The following ADAMTSL1 variants were observed in gnomAD, a reference collection of about 807,000 sequenced individuals.
The protein encoded by ADAMTSL1 is ADAMTS like 1.
ADAMTSL1 carries 126 observed loss-of-function variants against 201.8 expected under a neutral mutation model. That is an observed-to-expected ratio of 0.62 (90% CI 0.54 to 0.72). ADAMTSL1 has a LOEUF of 0.72. Among genes scored for constraint, ADAMTSL1 ranks in the 30% least tolerant of loss-of-function variants. The pLI is 0.00. For synonymous variants in ADAMTSL1, 1,121 were observed against 903.4 expected (o/e 1.24, Z -4.32); for missense variants, 2,679 against 2,277.8 (o/e 1.18, Z -3.59).
chr9:18,770,625 T>C lies in ADAMTSL1; in HGVS notation c.2241T>C (p.Gly747=), dbSNP rs763699386. The change falls in exon 17 of 29, where the codon GGT becomes GGC. Residue 747 remains glycine, a synonymous_variant. Transcript: ENST00000380548. ...AGTGTTCCAGAACGTGTGGCGGGGG[T>C]GTTCAGAAACGTGAGGTTCTTTGCA... ...WQPCSRTCGG[G]VQKREVLCKQ... 6.3e-7 allele frequency: 1 copy of C among 1,599,522 alleles called. No individual in the cohort carries two copies. The highest frequency in any genetic ancestry group is 1.3e-5 in the African/African-American group (1 of 74,664).
At chr9:18,354,120 T>C (rs918401605) in intron 2 of ADAMTSL1, among the ~76,000 whole-genome samples, 1 of 150,378 alleles carries the variant, frequency 6.6e-6, no homozygotes, top group Non-Finnish European at 1.5e-5. Flanking sequence ...ATGTTCAACA[T>C]ACTTTCCTTA....
chr9:18,684,839 T>G (rs41268981), intron 13 of ADAMTSL1, 39 bp downstream of exon 13: 113,507 of 1,089,940 alleles, frequency 0.1, 4,460 homozygotes, highest in Middle Eastern at 0.15. Context: ...TATTTGAAAC[T>G]GTTTTGTTTA....
At chr9:18,384,213 G>A (rs1837685618) in intron 2 of ADAMTSL1, among the ~76,000 whole-genome samples, 1 of 152,106 alleles carries the variant, frequency 6.6e-6, no homozygotes, top group African/African-American at 2.4e-5. Context: ...ATGTTGGAGG[G>A]CAAAGGGGAA....
At chr9:18,255,325 C>T (rs143440657) in intron 2 of ADAMTSL1, among the ~76,000 whole-genome samples, 75 of 151,724 alleles carry the variant, frequency 4.9e-4, no homozygotes, top group African/African-American at 1.7e-3. Context: ...TTGCTAGCAT[C>T]TTTAAATCAT....
chr9:18,770,440 C>G lies in ADAMTSL1; in HGVS notation c.2218-162C>G, dbSNP rs3802339. On this transcript the variant is annotated intron_variant, in intron 16 of 28. Transcript: ENST00000380548. ...GTAGATCTTGCTACAAAATTCATCT[C>G]AAAGAGAAGAAACAAAATCCTTTGG... Among the ~76,000 whole-genome samples, 38 of 151,598 alleles carry G rather than the reference C, an allele frequency of 2.5e-4. No individual in the cohort carries two copies. The East Asian group carries it at 7.4e-3, about 30-fold the overall frequency.
chr9:18,424,423 A>C (rs577972045), intron 2 of ADAMTSL1, among the ~76,000 whole-genome samples: 1 of 152,364 alleles, frequency 6.6e-6, no homozygotes, highest in Non-Finnish European at 1.5e-5. Flanking sequence ...TCAGTGGGGC[A>C]ACAGTGAACA....
At chr9:17,917,386 A>C (rs79390098) in intron 1 of ADAMTSL1, among the ~76,000 whole-genome samples, 1,862 of 152,102 alleles carry the variant, frequency 0.012, 41 homozygotes, top group African/African-American at 0.043. Flanking sequence ...ATGTCTGAGG[A>C]AATTGCTTTT....
chr9:18,715,107 T>C (rs951562492), intron 14 of ADAMTSL1, among the ~76,000 whole-genome samples: 3 of 130,800 alleles, frequency 2.3e-5, no homozygotes, highest in African/African-American at 8.2e-5. Flanking sequence ...AAGAGCTATC[T>C]ATGACAAACC....
Position 18,574,156 on chromosome 9 carries a change from A to T in ADAMTSL1, c.364A>T (p.Lys122Ter). 1 of 1,614,160 alleles carries T rather than the reference A, an allele frequency of 6.2e-7. No homozygotes were observed. Among genetic ancestry groups the T allele is most frequent in the Non-Finnish European group, 8.5e-7 (1 of 1,180,014 alleles). The change falls in exon 4 of 29, where the codon AAG (lysine) becomes TAG (stop). Residue 122 changes from lysine to a stop codon, truncating the protein, a stop_gained. Transcript: ENST00000380548. LOFTEE classifies it high-confidence loss of function. ...SNDPDNPCSLKCQAKGTTLVV... is the reference protein window; with the variant it reads ...SNDPDNPCSL ...TGACCCTGACAACCCATGTTCACTCAAGTGCCAAGCCAAAGGAACAACCCT... is the reference window on the plus strand; with the variant it reads ...TGACCCTGACAACCCATGTTCACTCTAGTGCCAAGCCAAAGGAACAACCCT...
chr9:17,934,376 T>G (rs1210236897), intron 1 of ADAMTSL1, among the ~76,000 whole-genome samples: 1 of 152,162 alleles, frequency 6.6e-6, no homozygotes, highest in Non-Finnish European at 1.5e-5. Context: ...TTTTATGACC[T>G]TACTTCCCTC....
chr9:18,830,365 C>G (rs1172903774), intron 23 of ADAMTSL1, among the ~76,000 whole-genome samples: 1 of 152,182 alleles, frequency 6.6e-6, no homozygotes, highest in African/African-American at 2.4e-5. Flanking sequence ...CCCCTGCCAC[C>G]TAAACTAGAG....
At chr9:18,566,814 C>T (rs1157113596) in intron 3 of ADAMTSL1, among the ~76,000 whole-genome samples, 2 of 152,078 alleles carry the variant, frequency 1.3e-5, no homozygotes, top group Non-Finnish European at 2.9e-5. Context: ...CAAAACTTTC[C>T]AGGAGAGCAA....
chr9:18,042,618 C>G (rs1208928447), intron 1 of ADAMTSL1, among the ~76,000 whole-genome samples: 4 of 152,100 alleles, frequency 2.6e-5, no homozygotes, highest in Non-Finnish European at 5.9e-5. Flanking sequence ...TTGAAGTTAT[C>G]AGAGAAAGCT....
intron 26 of ADAMTSL1, among the ~76,000 whole-genome samples, chr9:18,897,277 C>T (rs771935123): frequency 1.3e-5 from 2 of 152,142 alleles, no homozygotes; most frequent in Non-Finnish European, 2.9e-5. Context: ...TTGAGTTACT[C>T]AGCCTTCCCA....
chr9:18,458,515 A>T (rs1296886076), intron 2 of ADAMTSL1, among the ~76,000 whole-genome samples: 1 of 152,174 alleles, frequency 6.6e-6, no homozygotes, highest in East Asian at 1.9e-4. Flanking sequence ...AGTTTGCCCT[A>T]ACCTTCCATA....
At chr9:18,490,221 A>G (rs1822200404) in intron 1 of ADAMTSL1, among the ~76,000 whole-genome samples, 1 of 152,186 alleles carries the variant, frequency 6.6e-6, no homozygotes, top group Non-Finnish European at 1.5e-5. Context: ...TGTGTATCAC[A>G]TAGAAGACCA....
At chr9:18,666,550 T>C (rs1191248706) in intron 9 of ADAMTSL1, among the ~76,000 whole-genome samples, 4 of 152,182 alleles carry the variant, frequency 2.6e-5, no homozygotes, top group African/African-American at 9.7e-5. Flanking sequence ...TTCTGTATGC[T>C]TTCCCATGTG....
intron 2 of ADAMTSL1, among the ~76,000 whole-genome samples, chr9:18,277,882 G>A (rs1410019978): frequency 6.6e-6 from 1 of 151,964 alleles, no homozygotes; most frequent in Admixed American, 6.6e-5. Flanking sequence ...CTCTCTTGTT[G>A]TCTTCCTTTG....
chr9:18,490,096 A>G (rs1459430020), intron 1 of ADAMTSL1, among the ~76,000 whole-genome samples: 1 of 152,150 alleles, frequency 6.6e-6, no homozygotes. Flanking sequence ...CCCTGTCCCA[A>G]ACCATCATTC....
Sources: gnomAD v4.1 joint callset for allele counts (sites outside exome capture counted in the v4.1 genomes callset) on GRCh38, gnomAD v4.1.1 for gene constraint, MANE v1.5 for transcripts, NCBI Gene and HGNC (gene_info 2026-07-23, HGNC 2026-07-21) for gene names.